The following FXR1 variants were observed in gnomAD, a reference collection of about 807,000 sequenced individuals.
FXR1 encodes the protein RNA-binding protein FXR1.
FXR1 carries 15 observed loss-of-function variants against 84.0 expected under a neutral mutation model. The ratio of observed to expected loss-of-function variants is 0.18; its 90% CI spans 0.12 to 0.27. The LOEUF (loss-of-function observed/expected upper bound fraction) is 0.27, where lower values mean the gene tolerates loss of function less well. FXR1 is among the 10% of genes least tolerant of loss of function. The pLI is 1.00. For synonymous variants in FXR1, 245 were observed against 250.7 expected (o/e 0.98, Z 0.21); for missense variants, 480 against 774.4 (o/e 0.62, Z 4.51).
chr3:180,920,449 T>G (rs1204409288), intron 1 of FXR1, among the ~76,000 whole-genome samples: 1 of 152,124 alleles, frequency 6.6e-6, no homozygotes, highest in African/African-American at 2.4e-5. Flanking sequence ...TCACAAAACT[T>G]TATGCATGCA....
intron 1 of FXR1, chr3:180,914,944 T>A: frequency 3.0e-6 from 3 of 984,882 alleles, no homozygotes; most frequent in Non-Finnish European, 3.6e-6. Context: ...AGAATGAGAA[T>A]GGCGGAGTGG....
intron 15 of FXR1, chr3:180,971,097 G>C: frequency 4.8e-6 from 6 of 1,260,762 alleles, no homozygotes; most frequent in Non-Finnish European, 5.1e-6. Context: ...AAAAACCCCA[G>C]CGACGCAATC....
chr3:180,917,083 G>A (rs913291509), intron 1 of FXR1, among the ~76,000 whole-genome samples: 3 of 151,444 alleles, frequency 2.0e-5, no homozygotes, highest in Admixed American at 1.3e-4. Context: ...CCATCTGTCC[G>A]CCTCGGCGTC....
rs773976788 is a variant in FXR1 at position 180,970,140 on chromosome 3, C to T, written c.1403-18C>T. On this transcript the variant is annotated intron_variant, in intron 14 of 16. Transcript: ENST00000357559. ...AGTACTCTTAAACGAATATTTCTTG[C>T]CTCTGACATGAATATAGTGCTCAAA... 2.9e-6 allele frequency: 4 copies of T among 1,396,204 alleles called. No individual in the cohort carries two copies. 86.5% of individuals were successfully genotyped at this position (1,396,204 alleles called of 1,614,324 possible).
intron 1 of FXR1, among the ~76,000 whole-genome samples, chr3:180,923,512 T>A (rs1718815300): frequency 6.6e-6 from 1 of 151,320 alleles, no homozygotes; most frequent in African/African-American, 2.4e-5. Flanking sequence ...TAGTGAGGCT[T>A]TTTTTTTTCC....
At chr3:180,955,504 A>ATC (rs1202242432) in intron 9 of FXR1, among the ~76,000 whole-genome samples, 1 of 152,184 alleles carries the variant, frequency 6.6e-6, no homozygotes, top group African/African-American at 2.4e-5. Context: ...GCACAATGTT[A>ATC]TCAAATGTTT....
intron 3 of FXR1, among the ~76,000 whole-genome samples, chr3:180,941,217 G>T (rs1721088576): frequency 6.6e-6 from 1 of 151,000 alleles, no homozygotes; most frequent in Non-Finnish European, 1.5e-5. Flanking sequence ...TTGAGACAGG[G>T]TCTTACTCTG....
chr3:180,967,993 A>G (rs1248292004), intron 13 of FXR1, 58 bp from the exon 14 acceptor site: 2 of 1,097,366 alleles, frequency 1.8e-6, no homozygotes, highest in East Asian at 2.4e-5. Flanking sequence ...ATAATTTTGA[A>G]CATTTTAAAA....
intron 3 of FXR1, among the ~76,000 whole-genome samples, chr3:180,936,494 C>T (rs1453515623): frequency 3.3e-5 from 5 of 152,128 alleles, no homozygotes; most frequent in African/African-American, 1.2e-4. Context: ...TCTTGAACTC[C>T]TGACCTCAGG....
At chr3:180,955,065 G>C (rs763309722) in intron 9 of FXR1, among the ~76,000 whole-genome samples, 1 of 150,400 alleles carries the variant, frequency 6.6e-6, no homozygotes, top group Admixed American at 6.7e-5. Context: ...TGCAATCTCG[G>C]CTCACTGCAA....
chr3:180,930,716 A>C (rs1455637640), intron 1 of FXR1, among the ~76,000 whole-genome samples: 3 of 152,160 alleles, frequency 2.0e-5, no homozygotes, highest in Non-Finnish European at 2.9e-5. Flanking sequence ...AACATAACTG[A>C]ATGTGCTGAC....
intron 13 of FXR1, among the ~76,000 whole-genome samples, chr3:180,964,335 T>C (rs1012428433): frequency 1.3e-5 from 2 of 152,196 alleles, no homozygotes; most frequent in African/African-American, 4.8e-5. Flanking sequence ...GCATAGATAA[T>C]CAGACTTGGC....
At chr3:180,935,810 T>C (rs914450769) in intron 3 of FXR1, among the ~76,000 whole-genome samples, 3 of 152,270 alleles carry the variant, frequency 2.0e-5, no homozygotes, top group Non-Finnish European at 4.4e-5. Flanking sequence ...GTGCATGTTC[T>C]TTCAGGCTTG....
At chr3:180,932,109 A>G (rs558595504) in intron 1 of FXR1, among the ~76,000 whole-genome samples, 1 of 108,772 alleles carries the variant, frequency 9.2e-6, no homozygotes, top group East Asian at 3.1e-4. Context: ...TTGTTGTTGT[A>G]AGTTGCCTTT....
At chr3:180,915,564 T>C (rs1219778882) in intron 1 of FXR1, 13 of 1,151,142 alleles carry the variant, frequency 1.1e-5, no homozygotes, top group Non-Finnish European at 1.6e-5. Context: ...AGAAGTTGCC[T>C]TGAGATGAGA....
At chr3:180,946,554 A>T (rs1721712812) in intron 3 of FXR1, among the ~76,000 whole-genome samples, 1 of 152,232 alleles carries the variant, frequency 6.6e-6, no homozygotes, top group East Asian at 1.9e-4. Context: ...ATCTGTTTAT[A>T]AAAGAAATGG....
At chr3:180,956,186 TTCCCACCCC>T (rs926011937) in intron 9 of FXR1, among the ~76,000 whole-genome samples, 3 of 152,162 alleles carry the variant, frequency 2.0e-5, no homozygotes, top group African/African-American at 7.2e-5. Flanking sequence ...AAGATGACCA[TTCCCACCCC>T]TCCCAAATCA....
At chr3:180,968,338 C>A in intron 14 of FXR1, 84 bp downstream of exon 14, 1 of 908,810 alleles carries the variant, frequency 1.1e-6, no homozygotes, top group Non-Finnish European at 1.7e-6. Flanking sequence ...CAGGGCCACC[C>A]ATTTTTGGAA....
intron 1 of FXR1, among the ~76,000 whole-genome samples, chr3:180,931,938 A>T (rs191325633): frequency 6.6e-6 from 1 of 151,252 alleles, no homozygotes; most frequent in Non-Finnish European, 1.5e-5. Context: ...ATGGGATTCC[A>T]CTGTCTTGCC....
Sources: allele counts gnomAD v4.1 joint callset (sites outside exome capture counted in the v4.1 genomes callset), GRCh38; gene constraint gnomAD v4.1.1; transcripts MANE v1.5; gene names NCBI Gene and HGNC (gene_info 2026-07-23, HGNC 2026-07-21).